Variants in DPYD observed in about 807,000 individuals in gnomAD.
The protein encoded by DPYD is dihydropyrimidine dehydrogenase, also known as dihydropyrimidine dehydrogenase [NADP(+)].
DPYD carries 109 observed loss-of-function variants against 116.2 expected under a neutral mutation model. The ratio of observed to expected loss-of-function variants is 0.94; its 90% CI spans 0.80 to 1.10. DPYD has a LOEUF of 1.10. Ranked by LOEUF, DPYD falls within the 50% of genes least tolerant of loss-of-function variation. DPYD has a pLI of 0.00. For synonymous variants in DPYD, 440 were observed against 432.0 expected (o/e 1.02, Z -0.23); for missense variants, 1,302 against 1,254.5 (o/e 1.04, Z -0.57).
At chr1:97,657,687 C>T (rs1021853317) in intron 8 of DPYD, among the ~76,000 whole-genome samples, 13 of 152,080 alleles carry the variant, frequency 8.5e-5, no homozygotes, top group African/African-American at 1.4e-4. Context: ...AAAGGAACCA[C>T]GGGCGTCTAG....
chr1:97,885,278 T>G (rs1321916639), intron 1 of DPYD, among the ~76,000 whole-genome samples: 4 of 152,014 alleles, frequency 2.6e-5, no homozygotes, highest in Non-Finnish European at 4.4e-5. Context: ...CAGAGAACTA[T>G]CAAAAAGACC....
At chr1:97,229,562 ATATATATATATATATATATATATAT>A (rs1661443147) in intron 19 of DPYD, among the ~76,000 whole-genome samples, 4 of 75,034 alleles carry the variant, frequency 5.3e-5, no homozygotes, top group African/African-American at 1.3e-4. Context: ...ATATATATAT[ATATATATATATATATATATATATAT>A]ATACTGATTT....
At chr1:97,503,719 G>A (rs187607309) in intron 13 of DPYD, among the ~76,000 whole-genome samples, 10 of 151,548 alleles carry the variant, frequency 6.6e-5, no homozygotes, top group Non-Finnish European at 1.0e-4. Flanking sequence ...TCACATCTTG[G>A]CAACGGTTTC....
chr1:97,881,509 T>C (rs1041525883), intron 2 of DPYD, among the ~76,000 whole-genome samples: 1 of 152,080 alleles, frequency 6.6e-6, no homozygotes, highest in African/African-American at 2.4e-5. Flanking sequence ...GTCAAACTGC[T>C]TTTATAAATA....
chr1:97,291,939 T>C (rs192896172), intron 18 of DPYD, among the ~76,000 whole-genome samples: 31 of 152,300 alleles, frequency 2.0e-4, no homozygotes. Context: ...CAAAGATATA[T>C]ATTTTTCATT....
At chr1:97,290,668 C>A (rs1666080379) in intron 18 of DPYD, among the ~76,000 whole-genome samples, 1 of 152,156 alleles carries the variant, frequency 6.6e-6, no homozygotes, top group South Asian at 2.1e-4. Flanking sequence ...TTCCTTACAC[C>A]TTATACAAAA....
intron 14 of DPYD, among the ~76,000 whole-genome samples, chr1:97,423,361 T>C (rs1674684525): frequency 6.6e-6 from 1 of 151,690 alleles, no homozygotes; most frequent in Non-Finnish European, 1.5e-5. Context: ...GAAAGAGGGG[T>C]GTGATTATGG....
intron 21 of DPYD, among the ~76,000 whole-genome samples, chr1:97,096,305 T>C (rs1265518954): frequency 6.6e-6 from 1 of 152,158 alleles, no homozygotes; most frequent in Non-Finnish European, 1.5e-5. Flanking sequence ...CTCTGAAAGA[T>C]TTGAGGGCTA....
chr1:97,670,728 A>T (rs1659817994), intron 8 of DPYD, among the ~76,000 whole-genome samples: 1 of 152,156 alleles, frequency 6.6e-6, no homozygotes, highest in Non-Finnish European at 1.5e-5. Flanking sequence ...CCCACAAAAA[A>T]TGTAACTGGC....
At chr1:97,513,718 C>T (rs534814233) in intron 13 of DPYD, among the ~76,000 whole-genome samples, 1 of 151,740 alleles carries the variant, frequency 6.6e-6, no homozygotes, top group East Asian at 1.9e-4. Flanking sequence ...TATGTTCATA[C>T]TACTGAGTTG....
chr1:97,336,681 C>T (rs1047939923), intron 16 of DPYD, among the ~76,000 whole-genome samples: 2 of 152,160 alleles, frequency 1.3e-5, no homozygotes, highest in Non-Finnish European at 2.9e-5. Flanking sequence ...ACCCAGGAAG[C>T]AGAGGTTACA....
At chr1:97,905,768 C>T (rs1294117959) in intron 1 of DPYD, among the ~76,000 whole-genome samples, 3 of 151,984 alleles carry the variant, frequency 2.0e-5, no homozygotes, top group African/African-American at 4.8e-5. Context: ...TGAATACATA[C>T]GGTCAGGAAA....
At chr1:97,348,275 A>T (rs996068582) in intron 16 of DPYD, among the ~76,000 whole-genome samples, 2 of 152,152 alleles carry the variant, frequency 1.3e-5, no homozygotes, top group Non-Finnish European at 2.9e-5. Context: ...TGAATAATTC[A>T]ATTAAAAGTC....
chr1:97,197,958 C>T (rs1658929875), intron 19 of DPYD, among the ~76,000 whole-genome samples: 1 of 152,294 alleles, frequency 6.6e-6, no homozygotes, highest in African/African-American at 2.4e-5. Context: ...AAATGTCACA[C>T]CACTTACGTA....
chr1:97,114,792 C>T (rs531864729), intron 20 of DPYD, among the ~76,000 whole-genome samples: 1 of 152,080 alleles, frequency 6.6e-6, no homozygotes, highest in African/African-American at 2.4e-5. Context: ...CAAACAAATA[C>T]CATATATTCC....
chr1:97,104,160 A>T (rs960146172), intron 20 of DPYD, among the ~76,000 whole-genome samples: 7 of 152,114 alleles, frequency 4.6e-5, no homozygotes, highest in African/African-American at 1.7e-4. Context: ...CTAGACAGGT[A>T]ACTTTGATCC....
intron 12 of DPYD, among the ~76,000 whole-genome samples, chr1:97,545,069 T>C (rs574387278): frequency 3.3e-5 from 5 of 151,938 alleles, no homozygotes; most frequent in African/African-American, 9.6e-5. Context: ...TATAAAAGAG[T>C]TTTTAAGAGA....
intron 16 of DPYD, among the ~76,000 whole-genome samples, chr1:97,338,286 C>A (rs1669407982): frequency 1.3e-5 from 2 of 152,098 alleles, no homozygotes; most frequent in African/African-American, 2.4e-5. Flanking sequence ...AAAATGGATT[C>A]TAGGAAGATG....
intron 2 of DPYD, among the ~76,000 whole-genome samples, chr1:97,854,230 A>G (rs1475506452): frequency 2.6e-5 from 4 of 152,216 alleles, no homozygotes; most frequent in African/African-American, 9.6e-5. Flanking sequence ...ATTTAGAAAC[A>G]CAAGAGATTT....
Sources: allele counts gnomAD v4.1 joint callset (sites outside exome capture counted in the v4.1 genomes callset), GRCh38; gene constraint gnomAD v4.1.1; transcripts MANE v1.5; gene names NCBI Gene and HGNC (gene_info 2026-07-23, HGNC 2026-07-21).